ERCC6: variants seen among roughly 807,000 people sequenced by gnomAD.
The protein encoded by ERCC6 is DNA excision repair protein ERCC-6.
In ERCC6, 116 loss-of-function variants were observed where a neutral mutation model predicts 158.7. That is an observed-to-expected ratio of 0.73 (90% CI 0.63 to 0.85). The LOEUF is 0.85. Ranked by LOEUF, ERCC6 falls within the 40% of genes least tolerant of loss-of-function variation. The probability of loss-of-function intolerance (pLI) is 0.00; values close to 1 mark genes in which losing one functional copy is unlikely to be tolerated. For missense variants in ERCC6, 1,698 were observed against 1,799.4 expected (o/e 0.94, Z 1.02); for synonymous variants, 678 against 659.3 (o/e 1.03, Z -0.43).
Position 49,470,749 on chromosome 10 carries a change from C to T in ERCC6, c.3211G>A (p.Glu1071Lys), listed in dbSNP as rs781029434. Residue 1071 changes from glutamate to lysine, a missense_variant, in exon 18 of 21, where the codon GAG (glutamate) becomes AAG (lysine). Transcript: ENST00000355832. ...ISVNDATSSE[E>K]KSEAKGAEVN... ...TCAGCTCCTTTAGCCTCAGATTTCT[C>T]TTCAGATGATGTGGCATCATTTACA... 3.1e-6 allele frequency: 5 copies of T among 1,614,142 alleles called. No homozygotes were observed. In the South Asian group the frequency reaches 3.3e-5, roughly 11 times the overall value.
rs1429411359 is a variant in ERCC6, at chr10:49,493,042, G to C, written c.1821+75C>G. ...AGGAATATACATTTGAGAAACACAT[G>C]GATCAGAGAAAAACCAAATATGTAA... On this transcript the variant is annotated intron_variant, in intron 8 of 20. Transcript: ENST00000355832. 2.1e-6 allele frequency: 3 copies of C among 1,462,134 alleles called. No individual in the cohort carries two copies. In the African/African-American group the frequency reaches 4.2e-5, roughly 20 times the overall value. 90.6% of individuals were successfully genotyped at this position (1,462,134 alleles called of 1,614,324 possible). A position where few individuals can be genotyped will look rare whatever the true frequency, so the allele number is the denominator to read the frequency against.
chr10:49,520,294 A>C (rs1043646093), intron 5 of ERCC6, among the ~76,000 whole-genome samples: 9 of 152,140 alleles, frequency 5.9e-5, no homozygotes, highest in African/African-American at 1.9e-4. Flanking sequence ...GACACTGCAT[A>C]ATCAGTCTGT....
At chr10:49,491,060 G>A (rs1851166093) in intron 8 of ERCC6, among the ~76,000 whole-genome samples, 1 of 152,200 alleles carries the variant, frequency 6.6e-6, no homozygotes, top group Admixed American at 6.5e-5. Flanking sequence ...CACATACACA[G>A]AAGATCGAAG....
intron 4 of ERCC6, among the ~76,000 whole-genome samples, chr10:49,527,055 A>G (rs878966760): frequency 6.6e-6 from 1 of 152,222 alleles, no homozygotes; most frequent in Admixed American, 6.5e-5. Context: ...CCAGTAGAGA[A>G]GCAGGGATCC....
rs1464456889 is a variant in ERCC6, at chr10:49,500,695, A to T, written c.1528T>A (p.Tyr510Asn). 18 of 1,613,634 alleles carry T rather than the reference A, an allele frequency of 1.1e-5. No individual in the cohort carries two copies. The highest frequency in any genetic ancestry group is 1.4e-5 in the Non-Finnish European group (16 of 1,179,804). The change falls in exon 7 of 21, where the codon TAC becomes AAC. Residue 510 changes from tyrosine to asparagine, a missense_variant and splice_region_variant. Transcript: ENST00000355832. ...PGFLFKKLFK[Y>N]QQTGVRWLWE... The stretch of plus-strand genomic sequence containing the variant: ...AGCCACCTAACACCTGTCTGCTGGT[A>T]CCTATGACAACAAACACCAACAAGA...
At chr10:49,498,414 T>G (rs1043296545) in intron 7 of ERCC6, among the ~76,000 whole-genome samples, 1 of 152,194 alleles carries the variant, frequency 6.6e-6, no homozygotes, top group African/African-American at 2.4e-5. Context: ...TATAGAGAAC[T>G]CCCAAGTTCA....
chr10:49,468,583 G>A (rs1334978745), intron 18 of ERCC6, among the ~76,000 whole-genome samples: 1 of 152,176 alleles, frequency 6.6e-6, no homozygotes, highest in Non-Finnish European at 1.5e-5. Flanking sequence ...ATAGAGACAG[G>A]TGTATCTGTG....
At chr10:49,468,514 A>C (rs1035871345) in intron 18 of ERCC6, among the ~76,000 whole-genome samples, 1 of 152,206 alleles carries the variant, frequency 6.6e-6, no homozygotes, top group African/African-American at 2.4e-5. Context: ...ATTGTTTCAC[A>C]TGGAAGGGTA....
chr10:49,467,710 T>C (rs952107985), intron 18 of ERCC6, among the ~76,000 whole-genome samples: 5 of 151,864 alleles, frequency 3.3e-5, no homozygotes, highest in African/African-American at 1.2e-4. Context: ...GGACCACAGG[T>C]GTATGCTACC....
rs778562892 is a variant in ERCC6, at chr10:49,524,573, T to C, written c.857A>G (p.Lys286Arg). ...TGCTCTTTTATTACAACCTTGCTTC[T>C]TCCTTTCAAAAGACAGTTTTGCTTG... ...ADQAKLSFER[K>R]KQGCNKRAAR... The change falls in exon 5 of 21, where the codon AAG becomes AGG. Residue 286 changes from lysine (K) to arginine (R), a missense_variant. Transcript: ENST00000355832. 2.2e-5 allele frequency: 36 copies of C among 1,614,134 alleles called. No individual in the cohort carries two copies. The South Asian group carries it at 4.0e-4, about 18-fold the overall frequency.
the ERCC6 span, among the ~76,000 whole-genome samples, chr10:49,441,444 A>C: frequency 6.6e-6 from 1 of 152,192 alleles, no homozygotes; most frequent in Non-Finnish European, 1.5e-5. Context: ...CAGTTATTCT[A>C]AAATGCGATT....
At chr10:49,533,685 C>T (rs1041889052) in intron 1 of ERCC6, among the ~76,000 whole-genome samples, 2 of 152,090 alleles carry the variant, frequency 1.3e-5, no homozygotes, top group South Asian at 2.1e-4. Flanking sequence ...CACCTATAGT[C>T]CCAGTTACTC....
intron 5 of ERCC6, among the ~76,000 whole-genome samples, chr10:49,514,764 G>A (rs1400805896): frequency 3.9e-5 from 6 of 152,022 alleles, no homozygotes; most frequent in Admixed American, 3.9e-4. Context: ...CACCAAGCTG[G>A]GTATTTAATA....
intron 8 of ERCC6, among the ~76,000 whole-genome samples, chr10:49,492,382 C>G (rs1453856976): frequency 6.6e-6 from 1 of 152,170 alleles, no homozygotes; most frequent in Non-Finnish European, 1.5e-5. Flanking sequence ...CCTGCAAATT[C>G]ACAGTGAAAC....
At chr10:49,487,472 A>C (rs1477495409) in intron 8 of ERCC6, among the ~76,000 whole-genome samples, 2 of 152,154 alleles carry the variant, frequency 1.3e-5, no homozygotes, top group African/African-American at 4.8e-5. Context: ...CGGCCTTAAA[A>C]ACACACGTAC....
rs375617750 is a variant in ERCC6 at position 49,476,314 on chromosome 10, C to G, written c.2287-4G>C. 3.7e-6 allele frequency: 6 copies of G among 1,603,834 alleles called. No individual in the cohort carries two copies. In the Admixed American group the frequency reaches 1.0e-4, roughly 27 times the overall value. On this transcript the variant is annotated splice_region_variant and splice_polypyrimidine_tract_variant and intron_variant, in intron 11 of 20. Transcript: ENST00000355832. The stretch of plus-strand genomic sequence containing the variant: ...CTGTAAGACGGCAAAATAAGACCTA[C>G]GGACGGGAAAAACAAGGAAACTATA...
chr10:49,491,376 A>C (rs534463582), intron 8 of ERCC6, among the ~76,000 whole-genome samples: 96 of 152,356 alleles, frequency 6.3e-4, no homozygotes, highest in African/African-American at 2.0e-3. Context: ...GTTTGAGTAA[A>C]AACACAAGGA....
At position 49,470,748 on chromosome 10, in the gene ERCC6, T is replaced by C; in HGVS notation, c.3212A>G (p.Glu1071Gly). The change falls in exon 18 of 21, where the codon GAG becomes GGG. Residue 1071 changes from glutamate to glycine, a missense_variant. Glu to Gly is a moderately conservative substitution (Grantham distance 98, BLOSUM62 -2). Transcript: ENST00000355832. ...ISVNDATSSE[E>G]KSEAKGAEVN... ...TTCAGCTCCTTTAGCCTCAGATTTC[T>C]CTTCAGATGATGTGGCATCATTTAC... is the stretch of plus-strand genomic sequence containing the variant. 6.2e-7 allele frequency: 1 copy of C among 1,614,206 alleles called. No individual in the cohort carries two copies. The highest frequency in any genetic ancestry group is 8.5e-7 in the Non-Finnish European group (1 of 1,180,030).
intron 10 of ERCC6, 131 bp downstream of exon 10, chr10:49,482,556 T>G: frequency 2.9e-6 from 2 of 681,106 alleles, no homozygotes; most frequent in Non-Finnish European, 4.7e-6. Context: ...TTTTTTTTTT[T>G]TAACCAGATA....
Sources: allele counts gnomAD v4.1 joint callset (sites outside exome capture counted in the v4.1 genomes callset), GRCh38; gene constraint gnomAD v4.1.1; transcripts MANE v1.5; gene names NCBI Gene and HGNC (gene_info 2026-07-23, HGNC 2026-07-21).